L3MBTL4: variants seen among roughly 807,000 people sequenced by gnomAD.
The protein encoded by L3MBTL4 is lethal(3)malignant brain tumor-like protein 4.
In L3MBTL4, 70 loss-of-function variants were observed where a neutral mutation model predicts 84.5. The observed-to-expected ratio is 0.83, with a 90% CI of 0.68 to 1.01. The LOEUF (loss-of-function observed/expected upper bound fraction) is 1.01, where lower values mean the gene tolerates loss of function less well. Ranked by LOEUF, L3MBTL4 falls within the 50% of genes least tolerant of loss-of-function variation. L3MBTL4 has a pLI of 0.00. For synonymous variants in L3MBTL4, 274 were observed against 259.8 expected (o/e 1.05, Z -0.52); for missense variants, 715 against 754.8 (o/e 0.95, Z 0.62).
chr18:6,168,462 A>C (rs1422157788), intron 13 of L3MBTL4, among the ~76,000 whole-genome samples: 7 of 152,302 alleles, frequency 4.6e-5, no homozygotes, highest in Admixed American at 1.3e-4. Context: ...ACAGCATGGT[A>C]CTGGTACCAA....
intron 14 of L3MBTL4, among the ~76,000 whole-genome samples, chr18:6,116,495 C>G (rs813857): frequency 7.3e-5 from 11 of 151,552 alleles, no homozygotes; most frequent in African/African-American, 2.7e-4. Flanking sequence ...TCCCAATTAT[C>G]TAGGATTACC....
chr18:5,982,329 C>T (rs2053271229), intron 16 of L3MBTL4, among the ~76,000 whole-genome samples: 2 of 152,198 alleles, frequency 1.3e-5, no homozygotes, highest in Admixed American at 1.3e-4. Flanking sequence ...CTTCATTGAG[C>T]TTCTGGCTTT....
chr18:6,241,452 A>C lies in L3MBTL4; in HGVS notation c.461-3T>G. The C allele has an allele frequency of 9.3e-6, 14 of 1,508,354 alleles. No individual in the cohort carries two copies. Among genetic ancestry groups the C allele is most frequent in the Non-Finnish European group, 1.3e-5 (14 of 1,094,544 alleles). The allele number at this position is 1,508,354 out of a possible 1,614,324, so 93.4% of individuals were successfully genotyped here. A position where few individuals can be genotyped will look rare whatever the true frequency, so the allele number is the denominator to read the frequency against. ...AACAAATTTATCTTTTCTATAACCTAAAAAAAGCACAGATTACTCAAAATA... is the reference window on the plus strand; with the variant it reads ...AACAAATTTATCTTTTCTATAACCTCAAAAAAGCACAGATTACTCAAAATA... On this transcript the variant is annotated splice_region_variant and splice_polypyrimidine_tract_variant and intron_variant, in intron 7 of 18. Coordinates refer to ENST00000317931, the MANE Select transcript of L3MBTL4 (RefSeq NM_001330559.2).
Position 6,213,178 on chromosome 18 carries a change from T to C in L3MBTL4, c.952A>G (p.Ile318Val). ...RNPRLIRVATIVDVDDQRVKV... is the reference protein window; with the variant it reads ...RNPRLIRVATVVDVDDQRVKV... ...ACTCTTTGGTCATCAACATCTACAA[T>C]CGTAGCAACACGAATTAACCTGGGG... Residue 318 changes from isoleucine to valine, a missense_variant, in exon 12 of 19, where the codon ATT becomes GTT. Transcript: ENST00000317931. 1 of 1,605,984 alleles carries C rather than the reference T, an allele frequency of 6.2e-7. No individual in the cohort carries two copies. The highest frequency in any genetic ancestry group is 8.5e-7 in the Non-Finnish European group (1 of 1,176,546).
At chr18:6,176,986 T>A (rs1328099004) in intron 12 of L3MBTL4, among the ~76,000 whole-genome samples, 1 of 152,142 alleles carries the variant, frequency 6.6e-6, no homozygotes, top group Non-Finnish European at 1.5e-5. Context: ...TTTCCCAACA[T>A]CAGTTACTGC....
At chr18:6,223,722 A>G (rs1439085510) in intron 10 of L3MBTL4, among the ~76,000 whole-genome samples, 1 of 152,208 alleles carries the variant, frequency 6.6e-6, no homozygotes, top group African/African-American at 2.4e-5. Context: ...AACCCATGTG[A>G]GTAGAAATGA....
chr18:6,410,639 CTAGTTA>C (rs1424845491), intron 1 of L3MBTL4, among the ~76,000 whole-genome samples: 1 of 152,200 alleles, frequency 6.6e-6, no homozygotes, highest in Non-Finnish European at 1.5e-5. Context: ...ATCTGTCCCT[CTAGTTA>C]AACACATTCT....
chr18:6,121,083 A>G (rs144365838), intron 14 of L3MBTL4, among the ~76,000 whole-genome samples: 2 of 152,284 alleles, frequency 1.3e-5, no homozygotes, highest in African/African-American at 4.8e-5. Flanking sequence ...GTCTCCATTA[A>G]TTACACAAAG....
At chr18:6,078,963 C>T (rs1263651449) in intron 16 of L3MBTL4, among the ~76,000 whole-genome samples, 1 of 152,118 alleles carries the variant, frequency 6.6e-6, no homozygotes, top group Non-Finnish European at 1.5e-5. Context: ...ATGTGCAGGT[C>T]GCAATACTGT....
intron 4 of L3MBTL4, among the ~76,000 whole-genome samples, chr18:6,266,171 A>G (rs2048623636): frequency 6.6e-6 from 1 of 152,236 alleles, no homozygotes; most frequent in Non-Finnish European, 1.5e-5. Context: ...TCACATATTT[A>G]TACAGCAACT....
chr18:5,965,582 G>A lies in L3MBTL4; in HGVS notation c.1614+3811C>T, dbSNP rs192826338. Among the ~76,000 whole-genome samples the A allele has an allele frequency of 4.3e-3, 658 of 152,232 alleles. 24 individuals are homozygous for A. Among genetic ancestry groups the A allele is most frequent in the Admixed American group, 0.038 (584 of 15,286 alleles). On this transcript the variant is annotated intron_variant, in intron 17 of 18. Transcript: ENST00000317931. ...TGCTGCCCTGCTCGTCATTTTTACT[G>A]TGGCCTCTCTAAGCAGCCCCACACT...
intron 5 of L3MBTL4, chr18:6,258,800 AGAAC>A (rs2048269099): frequency 1.3e-5 from 2 of 152,574 alleles, no homozygotes; most frequent in African/African-American, 4.8e-5. Context: ...TCCCAGGGTG[AGAAC>A]GGGACTGGGT....
chr18:6,012,077 G>C (rs2054766317), intron 16 of L3MBTL4, among the ~76,000 whole-genome samples: 1 of 152,160 alleles, frequency 6.6e-6, no homozygotes, highest in Non-Finnish European at 1.5e-5. Context: ...CGGGCTGCTG[G>C]ACTACGAAGA....
At chr18:6,163,302 T>G (rs2043453916) in intron 13 of L3MBTL4, among the ~76,000 whole-genome samples, 1 of 118,726 alleles carries the variant, frequency 8.4e-6, no homozygotes, top group African/African-American at 4.6e-5. Flanking sequence ...TGTGTGTGTG[T>G]GTGTGGGTGG....
intron 14 of L3MBTL4, among the ~76,000 whole-genome samples, chr18:6,097,765 A>C (rs1270801734): frequency 6.6e-6 from 1 of 152,132 alleles, no homozygotes; most frequent in African/African-American, 2.4e-5. Context: ...CCCTGTTTCT[A>C]AATGTCTTGC....
chr18:6,045,597 C>T (rs867599259), intron 16 of L3MBTL4, among the ~76,000 whole-genome samples: 21 of 152,224 alleles, frequency 1.4e-4, no homozygotes, highest in African/African-American at 4.8e-4. Context: ...AATCATCAGA[C>T]CTCATGAGAC....
intron 4 of L3MBTL4, among the ~76,000 whole-genome samples, chr18:6,274,263 C>CA (rs1359024952): frequency 6.6e-6 from 1 of 152,154 alleles, no homozygotes; most frequent in Non-Finnish European, 1.5e-5. Context: ...TCTGCTGAAT[C>CA]AAAAACTCTG....
intron 9 of L3MBTL4, among the ~76,000 whole-genome samples, chr18:6,238,612 G>A (rs2146087260): frequency 6.6e-6 from 1 of 152,252 alleles, no homozygotes; most frequent in South Asian, 2.1e-4. Flanking sequence ...AAAAGTGAGT[G>A]AGCATTTTAA....
intron 1 of L3MBTL4, among the ~76,000 whole-genome samples, chr18:6,377,611 T>C (rs1392028183): frequency 6.6e-6 from 1 of 152,188 alleles, no homozygotes; most frequent in African/African-American, 2.4e-5. Context: ...CTGAGAATGA[T>C]GGTTTCCAGC....
Sources: gnomAD v4.1 joint callset for allele counts (sites outside exome capture counted in the v4.1 genomes callset) on GRCh38, gnomAD v4.1.1 for gene constraint, MANE v1.5 for transcripts, NCBI Gene and HGNC (gene_info 2026-07-23, HGNC 2026-07-21) for gene names.